Variants in PCDH7 observed in about 807,000 individuals in gnomAD.
PCDH7 encodes protocadherin-7.
A neutral mutation model predicts 58.9 loss-of-function variants in PCDH7; 17 were observed. That is an observed-to-expected ratio of 0.29 (90% CI 0.20 to 0.43). The LOEUF is 0.43. Ranked by LOEUF, PCDH7 falls within the 20% of genes least tolerant of loss-of-function variation. The pLI is 1.00. For missense variants in PCDH7, 1,274 were observed against 1,441.0 expected, an observed-to-expected ratio of 0.88 and a Z score of 1.88; for synonymous variants, 664 against 616.4, an observed-to-expected ratio of 1.08 and a Z score of -1.14.
At chr4:31,082,743 CAG>C (rs909060153) in intron 3 of PCDH7, among the ~76,000 whole-genome samples, 4 of 122,808 alleles carry the variant, frequency 3.3e-5, no homozygotes, top group Non-Finnish European at 4.7e-5. Context: ...CAAAGGCATA[CAG>C]AGTGATATAA....
intron 1 of PCDH7, 129 bp from the exon 2 acceptor site, chr4:30,920,024 A>G (rs1361441941): frequency 3.7e-6 from 2 of 546,254 alleles, no homozygotes; most frequent in Admixed American, 6.9e-5. Flanking sequence ...ATGCAGTTTC[A>G]ACATATCTAT....
At chr4:30,821,361 A>G (rs1560404382) in intron 1 of PCDH7, among the ~76,000 whole-genome samples, 1 of 152,246 alleles carries the variant, frequency 6.6e-6, no homozygotes. Flanking sequence ...AAGAACCAAC[A>G]TCATGCAGAG....
chr4:30,899,937 T>C (rs144989055), intron 1 of PCDH7, among the ~76,000 whole-genome samples: 53 of 152,270 alleles, frequency 3.5e-4, no homozygotes, highest in African/African-American at 1.2e-3. Context: ...ATAATAATAA[T>C]AAAACAAATA....
intron 3 of PCDH7, among the ~76,000 whole-genome samples, chr4:30,971,859 G>A (rs1011808042): frequency 6.6e-6 from 1 of 152,210 alleles, no homozygotes; most frequent in Admixed American, 6.5e-5. Context: ...CAACTCAGAA[G>A]GCTGAGATGT....
chr4:31,089,425 TA>T (rs1194964168), intron 3 of PCDH7, among the ~76,000 whole-genome samples: 1 of 152,090 alleles, frequency 6.6e-6, no homozygotes, highest in African/African-American at 2.4e-5. Flanking sequence ...ATTTTTTTCT[TA>T]TTTTTTTAAT....
downstream of PCDH7, among the ~76,000 whole-genome samples, chr4:30,736,515 T>C (rs1716280504): frequency 6.6e-6 from 1 of 150,940 alleles, no homozygotes; most frequent in Non-Finnish European, 1.5e-5. Flanking sequence ...TTAATTTATT[T>C]TATTTATTTA....
rs11941217 is a variant in PCDH7 at position 31,094,019 on chromosome 4, A to G, written c.*8-48454A>G. ...GAAGACATGCATTCAAGGCTCTATC[A>G]CTGTCTTTGGGAACCTGCTGTAACT... On this transcript the variant is annotated intron_variant, in intron 3 of 3. Transcript: ENST00000509759. Among the ~76,000 whole-genome samples the G allele has an allele frequency of 6.5e-3, 990 of 152,202 alleles. 6 individuals are homozygous for G. The highest frequency in any genetic ancestry group is 0.016 in the African/African-American group (685 of 41,532).
intron 1 of PCDH7, among the ~76,000 whole-genome samples, chr4:30,751,392 G>A (rs1402993488): frequency 6.6e-6 from 1 of 152,102 alleles, no homozygotes; most frequent in Admixed American, 6.6e-5. Context: ...TAGGATCAAA[G>A]ATCTCAGAAA....
chr4:30,976,798 A>T (rs553408832), intron 3 of PCDH7, among the ~76,000 whole-genome samples: 1 of 152,292 alleles, frequency 6.6e-6, no homozygotes, highest in East Asian at 1.9e-4. Context: ...CTCATTCTTG[A>T]CAGGATTTAG....
chr4:31,058,464 CAA>C (rs1757428833), intron 3 of PCDH7, among the ~76,000 whole-genome samples: 2 of 151,992 alleles, frequency 1.3e-5, no homozygotes, highest in Non-Finnish European at 1.5e-5. Context: ...ATTTAACAGA[CAA>C]AGAGTATGAT....
At chr4:31,068,233 A>G (rs1578706478) in intron 3 of PCDH7, among the ~76,000 whole-genome samples, 1 of 151,786 alleles carries the variant, frequency 6.6e-6, no homozygotes, top group African/African-American at 2.4e-5. Context: ...TAGATAATGT[A>G]TGAAGGCATG....
At chr4:31,026,579 C>T (rs1754452223) in intron 3 of PCDH7, among the ~76,000 whole-genome samples, 1 of 152,176 alleles carries the variant, frequency 6.6e-6, no homozygotes, top group Non-Finnish European at 1.5e-5. Context: ...TGTCTGTGAG[C>T]AAATATGTAT....
chr4:31,107,252 A>T (rs1578814664), intron 3 of PCDH7, among the ~76,000 whole-genome samples: 2 of 152,288 alleles, frequency 1.3e-5, no homozygotes, highest in East Asian at 3.9e-4. Flanking sequence ...AATAATGCAA[A>T]TTGAAGGCTA....
At chr4:30,937,467 C>T (rs1745498628) in intron 2 of PCDH7, among the ~76,000 whole-genome samples, 1 of 151,990 alleles carries the variant, frequency 6.6e-6, no homozygotes, top group African/African-American at 2.4e-5. Flanking sequence ...CTCCTGCCTC[C>T]CTAGGGAATA....
chr4:30,789,539 C>T (rs1043272275), intron 1 of PCDH7, among the ~76,000 whole-genome samples: 1 of 152,096 alleles, frequency 6.6e-6, no homozygotes, highest in Non-Finnish European at 1.5e-5. Context: ...TAGTTTCCTG[C>T]TACTACTCCA....
intron 2 of PCDH7, among the ~76,000 whole-genome samples, chr4:30,944,814 A>G (rs1018925649): frequency 8.5e-5 from 13 of 152,320 alleles, no homozygotes; most frequent in South Asian, 6.2e-4. Context: ...ATTACTCAAT[A>G]CAATAGTCAA....
At chr4:31,081,634 T>C (rs1759517229) in intron 3 of PCDH7, among the ~76,000 whole-genome samples, 1 of 152,222 alleles carries the variant, frequency 6.6e-6, no homozygotes, top group South Asian at 2.1e-4. Flanking sequence ...TGAGATTATG[T>C]GAGCTGATCT....
At chr4:31,037,272 G>C (rs1207770315) in intron 3 of PCDH7, among the ~76,000 whole-genome samples, 3 of 152,138 alleles carry the variant, frequency 2.0e-5, no homozygotes. Flanking sequence ...TCATCTGTAT[G>C]TTGGGAATAA....
intron 1 of PCDH7, among the ~76,000 whole-genome samples, chr4:30,824,425 T>G (rs1201465201): frequency 6.6e-6 from 1 of 152,070 alleles, no homozygotes; most frequent in Non-Finnish European, 1.5e-5. Flanking sequence ...CCTTTAAAAA[T>G]GAATACACTC....
Sources: allele counts gnomAD v4.1 joint callset (sites outside exome capture counted in the v4.1 genomes callset), GRCh38; gene constraint gnomAD v4.1.1; transcripts MANE v1.5; gene names NCBI Gene and HGNC (gene_info 2026-07-23, HGNC 2026-07-21).